Variants in ACYP2 observed in about 807,000 individuals in gnomAD.
ACYP2 encodes the protein acylphosphatase-2.
A neutral mutation model predicts 11.2 loss-of-function variants in ACYP2; 12 were observed. The observed-to-expected ratio is 1.08, with a 90% confidence interval of 0.69 to 1.74. The LOEUF (loss-of-function observed/expected upper bound fraction) is 1.74. ACYP2 is among the 40% of genes most tolerant of loss of function. The pLI, the probability that ACYP2 is intolerant of heterozygous loss-of-function variation, is 0.00. For missense variants in ACYP2, 134 were observed against 101.9 expected, an observed-to-expected ratio of 1.31 and a Z score of -1.35; for synonymous variants, 43 against 32.2, an observed-to-expected ratio of 1.33 and a Z score of -1.13.
At chr2:54,296,586 AC>A (rs1689533277) in intron 6 of ACYP2, among the ~76,000 whole-genome samples, 2 of 152,208 alleles carry the variant, frequency 1.3e-5, no homozygotes, top group African/African-American at 4.8e-5. Flanking sequence ...TGTCTCCACC[AC>A]TGTTTATGAT....
chr2:54,006,640 T>C (rs1673080807), intron 2 of ACYP2, among the ~76,000 whole-genome samples: 2 of 152,138 alleles, frequency 1.3e-5, no homozygotes, highest in South Asian at 4.1e-4. Flanking sequence ...ATTTATTTAC[T>C]TTTTGTTTTC....
At chr2:54,015,541 T>G (rs777353264) in intron 2 of ACYP2, among the ~76,000 whole-genome samples, 1 of 151,486 alleles carries the variant, frequency 6.6e-6, no homozygotes, top group Admixed American at 6.6e-5. Flanking sequence ...TCCCAGCTAC[T>G]CCTGAGGCTG....
chr2:54,278,531 AATT>A (rs1688712649), intron 6 of ACYP2, among the ~76,000 whole-genome samples: 2 of 152,202 alleles, frequency 1.3e-5, no homozygotes, highest in African/African-American at 4.8e-5. Context: ...GAGTTGGAAT[AATT>A]ATGAGAATCC....
chr2:54,267,447 G>A, intron 6 of ACYP2: 1 of 1,278,574 alleles, frequency 7.8e-7, no homozygotes, highest in Non-Finnish European at 1.1e-6. Flanking sequence ...AGAAGGAATT[G>A]GGAGCTGGGG....
intron 2 of ACYP2, among the ~76,000 whole-genome samples, chr2:54,022,272 A>G (rs190825373): frequency 4.1e-4 from 63 of 152,030 alleles, no homozygotes; most frequent in Non-Finnish European, 8.2e-4. Context: ...GACAGGGTTC[A>G]GGATTCGCTA....
chr2:54,305,040 C>A lies in ACYP2; in HGVS notation c.*238C>A. ...GTCATTACAAAATATTTAGTGTGAA[C>A]ATTTAATTTAAACTTGTCTCATGGA... On this transcript the variant is annotated 3_prime_UTR_variant, in exon 7 of 7. Coordinates refer to ENST00000607452, the MANE Select transcript of ACYP2 (RefSeq NM_001320586.2). 3.4e-6 allele frequency: 1 copy of A among 295,968 alleles called. No homozygotes were observed. The highest frequency in any genetic ancestry group is 6.2e-6 in the Non-Finnish European group (1 of 161,168). 18.3% of individuals were successfully genotyped at this position (295,968 alleles called of 1,614,324 possible).
intron 6 of ACYP2, among the ~76,000 whole-genome samples, chr2:54,272,773 A>C (rs1162611217): frequency 1.3e-5 from 2 of 152,244 alleles, no homozygotes; most frequent in Non-Finnish European, 2.9e-5. Flanking sequence ...GTATTCAATA[A>C]ATATTTGTTG....
At chr2:54,034,307 G>A (rs547351262) in intron 2 of ACYP2, among the ~76,000 whole-genome samples, 41 of 152,240 alleles carry the variant, frequency 2.7e-4, no homozygotes, top group African/African-American at 8.9e-4. Flanking sequence ...GCGGTGAGCC[G>A]GGATCATGCC....
At chr2:54,244,925 A>C (rs1271798753) in intron 6 of ACYP2, among the ~76,000 whole-genome samples, 1 of 152,166 alleles carries the variant, frequency 6.6e-6, no homozygotes, top group Non-Finnish European at 1.5e-5. Flanking sequence ...CTATTTGAAA[A>C]TATGTAATAT....
chr2:54,002,081 T>C (rs1025590378), intron 2 of ACYP2, among the ~76,000 whole-genome samples: 5 of 152,228 alleles, frequency 3.3e-5, no homozygotes, highest in South Asian at 2.1e-4. Flanking sequence ...TTTTGACAAA[T>C]GTACAATAAT....
chr2:54,277,397 G>A (rs1052018115), intron 6 of ACYP2, among the ~76,000 whole-genome samples: 1 of 152,114 alleles, frequency 6.6e-6, no homozygotes, highest in African/African-American at 2.4e-5. Flanking sequence ...TTAGTAAAAT[G>A]GGCCGGGTGC....
chr2:54,076,257 G>A (rs958839569), intron 4 of ACYP2, among the ~76,000 whole-genome samples: 2 of 152,076 alleles, frequency 1.3e-5, no homozygotes, highest in Non-Finnish European at 2.9e-5. Flanking sequence ...AAATGGCGGG[G>A]GAAGTCCAAA....
intron 6 of ACYP2, among the ~76,000 whole-genome samples, chr2:54,258,235 G>A (rs936383814): frequency 2.6e-5 from 4 of 151,394 alleles, no homozygotes; most frequent in Non-Finnish European, 5.9e-5. Flanking sequence ...AGGGAGTGGG[G>A]AGGAGATTGT....
intron 6 of ACYP2, among the ~76,000 whole-genome samples, chr2:54,180,241 CTATTTT>C (rs1271149148): frequency 6.6e-6 from 1 of 152,074 alleles, no homozygotes; most frequent in African/African-American, 2.4e-5. Flanking sequence ...TTATTTATTT[CTATTTT>C]TATTTTTAAT....
chr2:54,048,578 C>G (rs1441616451), intron 2 of ACYP2, among the ~76,000 whole-genome samples: 1 of 152,154 alleles, frequency 6.6e-6, no homozygotes, highest in African/African-American at 2.4e-5. Flanking sequence ...ATAGCTCACT[C>G]TAGTGTTGAA....
At chr2:54,116,180 A>G (rs2103729530) in intron 4 of ACYP2, among the ~76,000 whole-genome samples, 1 of 152,198 alleles carries the variant, frequency 6.6e-6, no homozygotes, top group East Asian at 1.9e-4. Flanking sequence ...TTAATTTTTC[A>G]GAGGTCAAAC....
chr2:54,200,157 G>T (rs1684695805), intron 6 of ACYP2, among the ~76,000 whole-genome samples: 1 of 152,102 alleles, frequency 6.6e-6, no homozygotes, highest in Non-Finnish European at 1.5e-5. Flanking sequence ...AGCTGAGTTT[G>T]GTATCTCTCA....
chr2:54,095,058 G>C (rs2103688673), intron 4 of ACYP2, among the ~76,000 whole-genome samples: 1 of 144,150 alleles, frequency 6.9e-6, no homozygotes, highest in African/African-American at 2.5e-5. Flanking sequence ...TGTGTCCCTG[G>C]GTACTTGAGA....
intron 6 of ACYP2, among the ~76,000 whole-genome samples, chr2:54,302,292 G>A (rs191204168): frequency 3.8e-4 from 58 of 152,208 alleles, no homozygotes; most frequent in African/African-American, 1.1e-3. Flanking sequence ...TGACATCGAC[G>A]TTGCTAAACA....
Sources: allele counts gnomAD v4.1 joint callset (sites outside exome capture counted in the v4.1 genomes callset), GRCh38; gene constraint gnomAD v4.1.1; transcripts MANE v1.5; gene names NCBI Gene and HGNC (gene_info 2026-07-23, HGNC 2026-07-21).